The following DTX1 variants were observed in gnomAD, a reference collection of about 807,000 sequenced individuals.
DTX1 encodes the protein E3 ubiquitin-protein ligase DTX1.
DTX1 carries 26 observed loss-of-function variants against 57.8 expected under a neutral mutation model. That is an observed-to-expected ratio of 0.45 (90% confidence interval 0.33 to 0.62). DTX1 has a LOEUF of 0.62. Among genes scored for constraint, DTX1 ranks in the 20% least tolerant of loss-of-function variants. DTX1 has a pLI of 0.02. For synonymous variants in DTX1, 398 were observed against 394.1 expected, an observed-to-expected ratio of 1.01 and a Z score of -0.12; for missense variants, 704 against 895.3, an observed-to-expected ratio of 0.79 and a Z score of 2.73.
At chr12:113,066,142 C>T (rs1048919220) in intron 2 of DTX1, among the ~76,000 whole-genome samples, 1 of 152,318 alleles carries the variant, frequency 6.6e-6, no homozygotes, top group East Asian at 1.9e-4. Context: ...CAACTGAGGA[C>T]ATGGGGCCTG....
rs570040990 is a variant in DTX1 at position 113,077,180 on chromosome 12, G to C, written c.260-244G>C. ...TGCTATGCGCTGAACCTTTAGCCCC[G>C]GCCCCCCTCACCCTGGCTGCCGCCT... On this transcript the variant is annotated intron_variant, in intron 2 of 9. Transcript: ENST00000548759. The surrounding 1 kb of genome is among the most constrained non-coding windows in gnomAD (Gnocchi z 7.8). 1.3e-5 allele frequency among the ~76,000 whole-genome samples: 2 copies of C among 151,788 alleles called. No individual in the cohort carries two copies. The highest frequency in any genetic ancestry group is 3.9e-4 in the East Asian group (2 of 5,162).
At chr12:113,092,325 T>TG (rs1950253443) in intron 3 of DTX1, among the ~76,000 whole-genome samples, 4 of 50,656 alleles carry the variant, frequency 7.9e-5, no homozygotes, top group African/African-American at 3.7e-4. Flanking sequence ...TCACAGCAGA[T>TG]TAAAAAAAAA....
intron 2 of DTX1, among the ~76,000 whole-genome samples, chr12:113,065,404 C>CG (rs1331102262): frequency 6.6e-6 from 1 of 152,178 alleles, no homozygotes; most frequent in Non-Finnish European, 1.5e-5. Flanking sequence ...CCCGGGCCAC[C>CG]GAGTACCTTG....
Position 113,093,496 on chromosome 12 carries a change from G to A in DTX1, c.1004-43G>A, listed in dbSNP as rs537932050. 221 of 1,520,098 alleles carry A rather than the reference G, an allele frequency of 1.5e-4. 2 individuals carry two copies. In the African/African-American group the frequency reaches 2.8e-3, roughly 19 times the overall value. The allele number at this position is 1,520,098 out of a possible 1,614,324, so 94.2% of individuals were successfully genotyped here. ...AGGGCCAGTGGTCGGGGGTTTGGGC[G>A]GGGATGGCGCCCCGCCCTGTGACTG... On this transcript the variant is annotated intron_variant, in intron 4 of 9. Transcript: ENST00000548759. The surrounding 1 kb of genome is among the most constrained non-coding windows in gnomAD (Gnocchi z 4.2).
rs147968195 is a variant in DTX1 at position 113,093,281 on chromosome 12, C to T, written c.1003+58C>T. 1.3e-6 allele frequency: 2 copies of T among 1,534,752 alleles called. No homozygotes were observed. Among genetic ancestry groups the T allele is most frequent in the Non-Finnish European group, 8.8e-7 (1 of 1,135,960 alleles). On this transcript the variant is annotated intron_variant, in intron 4 of 9. Coordinates refer to ENST00000548759, the MANE Select transcript of DTX1 (RefSeq NM_004416.3). This position sits in a 1 kb window ranked among gnomAD's most constrained non-coding sequence, Gnocchi z 4.2. Reference sequence around the variant, plus strand: ...GGGGCCCACTAGGAGGCAGCTCCGCCTGTCACCCGGTGACCCCGCCCCCGA... The same window carrying T: ...GGGGCCCACTAGGAGGCAGCTCCGCTTGTCACCCGGTGACCCCGCCCCCGA...
At chr12:113,058,933 A>T (rs2044648821) in intron 2 of DTX1, among the ~76,000 whole-genome samples, 1 of 152,250 alleles carries the variant, frequency 6.6e-6, no homozygotes, top group Admixed American at 6.5e-5. Context: ...TGAGTGATTT[A>T]AACTCAGAGC....
At chr12:113,076,786 T>G (rs982259817) in intron 2 of DTX1, among the ~76,000 whole-genome samples, 1 of 152,186 alleles carries the variant, frequency 6.6e-6, no homozygotes, top group Non-Finnish European at 1.5e-5. Context: ...AGTGCTTAAA[T>G]TAATGAACTA....
intron 9 of DTX1, 162 bp downstream of exon 9, chr12:113,095,576 C>G: frequency 1.2e-6 from 1 of 850,850 alleles, no homozygotes; most frequent in South Asian, 1.7e-5. Flanking sequence ...CTTCACACAT[C>G]TTATCTCGTT....
intron 2 of DTX1, among the ~76,000 whole-genome samples, chr12:113,074,835 G>T (rs2044759492): frequency 6.6e-6 from 1 of 152,218 alleles, no homozygotes; most frequent in Non-Finnish European, 1.5e-5. Context: ...TTGGAGGTGG[G>T]ATATGAGGTA....
chr12:113,070,844 C>T (rs142597591), intron 2 of DTX1, among the ~76,000 whole-genome samples: 1 of 152,328 alleles, frequency 6.6e-6, no homozygotes, highest in African/African-American at 2.4e-5. Context: ...TCTCACCCTC[C>T]CAAGAGTTCA....
At chr12:113,081,320 CTCCG>C (rs2136061372) in intron 3 of DTX1, among the ~76,000 whole-genome samples, 1 of 152,284 alleles carries the variant, frequency 6.6e-6, no homozygotes, top group South Asian at 2.1e-4. Flanking sequence ...CAGAGTGAGA[CTCCG>C]TCTCCAAAAA....
chr12:113,095,040 A>T lies in DTX1; in HGVS notation c.1387-2A>T, dbSNP rs746758458. 6.2e-7 allele frequency: 1 copy of T among 1,609,594 alleles called. No homozygotes were observed. ...AACTCACTGCCAGCCTCCCCTGCCC[A>T]GGATGGCAGCCTGCAGTGCCCCACC... On this transcript the variant is annotated splice_acceptor_variant, in intron 7 of 9. Coordinates refer to ENST00000548759, the MANE Select transcript of DTX1 (RefSeq NM_004416.3). LOFTEE classifies it high-confidence loss of function.
At chr12:113,087,765 G>A (rs1368937536) in intron 3 of DTX1, among the ~76,000 whole-genome samples, 1 of 152,134 alleles carries the variant, frequency 6.6e-6, no homozygotes, top group Non-Finnish European at 1.5e-5. Context: ...GGCCAATGGG[G>A]GACCTGGAAA....
chr12:113,086,404 G>A (rs1237153505), intron 3 of DTX1, among the ~76,000 whole-genome samples: 1 of 152,200 alleles, frequency 6.6e-6, no homozygotes, highest in Non-Finnish European at 1.5e-5. Flanking sequence ...AGGGCAATCG[G>A]TGGGAAAGAA....
intron 6 of DTX1, 90 bp from the exon 7 acceptor site, chr12:113,094,696 TCTG>T: frequency 6.7e-7 from 1 of 1,483,150 alleles, no homozygotes; most frequent in Non-Finnish European, 9.1e-7. Flanking sequence ...GAGAGTGTGG[TCTG>T]CTGCCTATGG....
At chr12:113,082,891 A>C (rs1628251) in intron 3 of DTX1, among the ~76,000 whole-genome samples, 105,508 of 152,194 alleles carry the variant, frequency 0.69, 37,584 homozygotes, top group African/African-American at 0.83. Flanking sequence ...AGCCACAGCG[A>C]CTGGCCTGTC....
At position 113,094,083 on chromosome 12, in the gene DTX1, A is replaced by C. The variant is rs1193016426; in HGVS notation, c.1211A>C (p.Lys404Thr). The change falls in exon 6 of 10, where the codon AAA (lysine) becomes ACA (threonine). Residue 404 changes from lysine (K) to threonine (T), a missense_variant. Physicochemically the swap from Lys to Thr is moderately conservative, Grantham distance 78. This residue lies in a region of DTX1 where 299 missense variants were observed against 311.2 expected (regional missense o/e 0.96). Transcript: ENST00000548759. ...GTTCGAAGATACATGCAGAAGGTGA[A>C]AAACCCACCTGATGAGGTGAGGAGG... ...DVVRRYMQKV[K>T]NPPDEDCTIC... 1 of 1,568,166 alleles carries C rather than the reference A, an allele frequency of 6.4e-7. No homozygotes were observed. Among genetic ancestry groups the C allele is most frequent in the African/African-American group, 1.3e-5 (1 of 74,442 alleles).
At chr12:113,058,644 C>G (rs1399820161) in intron 2 of DTX1, among the ~76,000 whole-genome samples, 193 bp downstream of exon 2, 2 of 152,258 alleles carry the variant, frequency 1.3e-5, no homozygotes, top group African/African-American at 4.8e-5. Flanking sequence ...TCTGAGCAAG[C>G]TGTAGGGCCT....
rs867250953 is a variant in DTX1, at chr12:113,072,700, T to C, written c.260-4724T>C. ...GCACAAGACCTGAGAGATTTTCTTT[T>C]TTTTTTTTTTTTTTTTTTTTTGAGA... On this transcript the variant is annotated intron_variant, in intron 2 of 9. Coordinates refer to ENST00000548759, the MANE Select transcript of DTX1 (RefSeq NM_004416.3). Among the ~76,000 whole-genome samples, 1,165 of 136,638 alleles carry C rather than the reference T, an allele frequency of 8.5e-3. 6 individuals carry two copies. The highest frequency in any genetic ancestry group is 0.033 in the African/African-American group (1,096 of 33,228). The allele number at this position is 136,638 out of a possible 152,430, so 89.6% of individuals were successfully genotyped here.
Sources: allele counts gnomAD v4.1 joint callset (sites outside exome capture counted in the v4.1 genomes callset), GRCh38; gene constraint gnomAD v4.1.1; regional missense constraint gnomAD v4.1.1; non-coding constraint Gnocchi (gnomAD v3.1); transcripts MANE v1.5; gene names NCBI Gene and HGNC (gene_info 2026-07-23, HGNC 2026-07-21).